The following OTOGL variants were observed in gnomAD, a reference collection of about 807,000 sequenced individuals.
The protein encoded by OTOGL is otogelin-like protein.
A neutral mutation model predicts 318.5 loss-of-function variants in OTOGL; 285 were observed. The observed-to-expected ratio is 0.89, with a 90% CI of 0.81 to 0.99. The LOEUF is 0.99. Ranked by LOEUF, OTOGL falls within the 50% of genes least tolerant of loss-of-function variation. OTOGL has a pLI of 0.00. For synonymous variants in OTOGL, 987 were observed against 936.5 expected (o/e 1.05, Z -0.99); for missense variants, 2,899 against 2,845.6 (o/e 1.02, Z -0.43).
intron 9 of OTOGL, among the ~76,000 whole-genome samples, chr12:80,236,596 A>C (rs1879867914): frequency 6.6e-6 from 1 of 152,164 alleles, no homozygotes; most frequent in Non-Finnish European, 1.5e-5. Context: ...TTGTTTCTTT[A>C]GACCTCTAAA....
chr12:80,128,768 G>T (rs148436864), intron 1 of OTOGL, among the ~76,000 whole-genome samples: 2 of 152,230 alleles, frequency 1.3e-5, no homozygotes, highest in Admixed American at 1.3e-4. Flanking sequence ...CCTCGCTGCC[G>T]CCTTGCCGTT....
chr12:80,193,906 A>T (rs1430629034), intron 1 of OTOGL, among the ~76,000 whole-genome samples: 1 of 152,210 alleles, frequency 6.6e-6, no homozygotes, highest in African/African-American at 2.4e-5. Flanking sequence ...CATCCGCCTC[A>T]TTTTACAAAA....
chr12:80,308,484 T>G, intron 29 of OTOGL, among the ~76,000 whole-genome samples: 1 of 143,584 alleles, frequency 7.0e-6, no homozygotes, highest in Admixed American at 7.0e-5. Flanking sequence ...CTTTCCAGAC[T>G]GGGCAGCCAG....
chr12:80,368,064 G>T, intron 54 of OTOGL, 141 bp from the exon 55 acceptor site: 1 of 643,416 alleles, frequency 1.6e-6, no homozygotes, highest in Non-Finnish European at 2.6e-6. Flanking sequence ...ATTATTATTG[G>T]AAGCTTCTCA....
chr12:80,371,913 G>C, intron 56 of OTOGL, 106 bp from the exon 57 acceptor site: 1 of 579,580 alleles, frequency 1.7e-6, no homozygotes, highest in Non-Finnish European at 2.7e-6. Context: ...TGAAGGCTTT[G>C]TGGTATTTGA....
chr12:80,194,375 AC>A, intron 1 of OTOGL, among the ~76,000 whole-genome samples: 1 of 152,330 alleles, frequency 6.6e-6, no homozygotes, highest in African/African-American at 2.4e-5. Context: ...GATACTTGCA[AC>A]CAAAGAACCT....
At chr12:80,308,448 TGGC>T (rs1886383834) in intron 29 of OTOGL, among the ~76,000 whole-genome samples, 1 of 150,584 alleles carries the variant, frequency 6.6e-6, no homozygotes, top group African/African-American at 2.5e-5. Flanking sequence ...CCAGATGTGA[TGGC>T]GGCCGGGAAG....
At chr12:80,368,422 G>A in intron 55 of OTOGL, 113 bp downstream of exon 55, 1 of 576,632 alleles carries the variant, frequency 1.7e-6, no homozygotes, top group Non-Finnish European at 3.0e-6. Context: ...AATAAACACA[G>A]TACACCTACA....
intron 1 of OTOGL, among the ~76,000 whole-genome samples, chr12:80,125,715 A>C (rs1386785280): frequency 4.6e-5 from 7 of 151,908 alleles, no homozygotes; most frequent in African/African-American, 7.3e-5. Context: ...TCAATTTCAG[A>C]GCCTGTTATT....
At chr12:80,174,160 A>G (rs529439813) in intron 1 of OTOGL, among the ~76,000 whole-genome samples, 14 of 152,358 alleles carry the variant, frequency 9.2e-5, no homozygotes, top group African/African-American at 3.4e-4. Flanking sequence ...ACATATGCCC[A>G]GAATTAGAAT....
At chr12:80,335,694 C>T (rs1054199958) in intron 38 of OTOGL, among the ~76,000 whole-genome samples, 7 of 151,960 alleles carry the variant, frequency 4.6e-5, no homozygotes, top group Non-Finnish European at 7.4e-5. Flanking sequence ...CTAGGGAATT[C>T]AGGAGAACAC....
chr12:80,320,399 C>A (rs775597412), intron 33 of OTOGL, 23 bp from the exon 34 acceptor site: 2 of 1,579,830 alleles, frequency 1.3e-6, no homozygotes, highest in South Asian at 2.3e-5. Context: ...TCCTGAGAAT[C>A]CACACTGCTC....
In OTOGL at chr12:80,358,898, G is replaced by C; in HGVS notation, c.6265G>C (p.Val2089Leu). The change falls in exon 52 of 59, where the codon GTG becomes CTG. Residue 2089 changes from valine to leucine, a missense_variant and splice_region_variant. Coordinates refer to ENST00000547103, the MANE Select transcript of OTOGL (RefSeq NM_001378609.3). ...AAACCTTATTATGCCAACTTGTGAA[G>C]TGGTAAGAACACATATTTTGATTGA... ...CENLIMPTCEVGEFTAIDHNF... is the reference protein window; with the variant it reads ...CENLIMPTCELGEFTAIDHNF... 6.7e-7 allele frequency: 1 copy of C among 1,492,480 alleles called. No homozygotes were observed. The highest frequency in any genetic ancestry group is 9.0e-7 in the Non-Finnish European group (1 of 1,108,058). 92.5% of individuals were successfully genotyped at this position (1,492,480 alleles called of 1,614,324 possible). A position where few individuals can be genotyped will look rare whatever the true frequency, so the allele number is the denominator to read the frequency against.
chr12:80,206,622 A>T (rs1592545480), intron 1 of OTOGL, among the ~76,000 whole-genome samples: 1 of 150,666 alleles, frequency 6.6e-6, no homozygotes, highest in African/African-American at 2.4e-5. Flanking sequence ...CGATCCTTCC[A>T]CCTCAGCCTC....
At position 80,172,117 on chromosome 12, in the gene OTOGL, T is replaced by C. The variant is rs1050894899; in HGVS notation, c.-19-37296T>C. Among the ~76,000 whole-genome samples, 5 of 152,190 alleles carry C rather than the reference T, an allele frequency of 3.3e-5. No individual in the cohort carries two copies. In the South Asian group the frequency reaches 1.0e-3, roughly 31 times the overall value. ...CCTTTGCAATCTCATCTTTAAAGAC[T>C]TTCCTTATGTACCCTGTGTTCTAGC... On this transcript the variant is annotated intron_variant, in intron 1 of 58. Transcript: ENST00000547103.
intron 28 of OTOGL, among the ~76,000 whole-genome samples, chr12:80,305,262 C>T (rs1259733616): frequency 6.6e-6 from 1 of 152,102 alleles, no homozygotes; most frequent in Non-Finnish European, 1.5e-5. Flanking sequence ...CATACACTCT[C>T]ATATGTACTG....
intron 1 of OTOGL, among the ~76,000 whole-genome samples, chr12:80,187,279 T>A (rs1875359908): frequency 6.6e-6 from 1 of 151,738 alleles, no homozygotes; most frequent in Non-Finnish European, 1.5e-5. Context: ...TTTTTTTTTA[T>A]ACCGATACTT....
chr12:80,351,552 G>T (rs1213144621), intron 44 of OTOGL, among the ~76,000 whole-genome samples: 1 of 152,038 alleles, frequency 6.6e-6, no homozygotes, highest in Non-Finnish European at 1.5e-5. Flanking sequence ...TTGACCTCGT[G>T]ATCCACCTGC....
chr12:80,369,810 A>T (rs1890771610), intron 55 of OTOGL, among the ~76,000 whole-genome samples: 1 of 152,028 alleles, frequency 6.6e-6, no homozygotes, highest in Admixed American at 6.6e-5. Context: ...AAAGTAGAAT[A>T]AAATGAAAAA....
Sources: allele counts gnomAD v4.1 joint callset (sites outside exome capture counted in the v4.1 genomes callset), GRCh38; gene constraint gnomAD v4.1.1; transcripts MANE v1.5; gene names NCBI Gene and HGNC (gene_info 2026-07-23, HGNC 2026-07-21).